The following NRK variants were observed in gnomAD, a reference collection of about 807,000 sequenced individuals.
NRK encodes the protein nik-related protein kinase.
NRK carries 67 observed loss-of-function variants against 125.2 expected under a neutral mutation model. The ratio of observed to expected loss-of-function variants is 0.54; its 90% CI spans 0.44 to 0.66. The LOEUF (loss-of-function observed/expected upper bound fraction) is 0.66, where lower values mean the gene tolerates loss of function less well. NRK is among the 30% of genes least tolerant of loss of function. The pLI is 0.00. For missense variants in NRK, 1,224 were observed against 1,192.9 expected (o/e 1.03, Z -0.38); for synonymous variants, 458 against 429.0 (o/e 1.07, Z -0.84).
At chrX:105,929,240 G>A (rs748856304) in intron 19 of NRK, among the ~76,000 whole-genome samples, 78 of 110,861 alleles carry the variant, frequency 7.0e-4, no homozygotes, top group South Asian at 1.9e-3. Flanking sequence ...TATAATGTCC[G>A]TGTTTTTCTC....
At chrX:105,831,988 C>T (rs1417349761) in intron 2 of NRK, among the ~76,000 whole-genome samples, 1 of 111,069 alleles carries the variant, frequency 9.0e-6, no homozygotes, top group African/African-American at 3.3e-5. Flanking sequence ...GGAGGATATG[C>T]GTAAGTTATA....
intron 2 of NRK, among the ~76,000 whole-genome samples, chrX:105,865,664 A>C (rs2039659046): frequency 8.9e-6 from 1 of 111,734 alleles, no homozygotes; most frequent in African/African-American, 3.2e-5. Flanking sequence ...GAAAGGAATT[A>C]GATTTTGTAT....
chrX:105,843,977 C>CTGTGTGTGTGTGTGTGTGTGTGTGTGTG (rs751188822), intron 2 of NRK, among the ~76,000 whole-genome samples: 5 of 87,377 alleles, frequency 5.7e-5, no homozygotes, highest in African/African-American at 9.0e-5. Context: ...GTCCTGCACT[C>CTGTGTGTGTGTGTGTGTGTGTGTGTGTG]TGTGTGTGTG....
intron 23 of NRK, among the ~76,000 whole-genome samples, chrX:105,940,966 A>G (rs1161924193): frequency 8.9e-6 from 1 of 111,919 alleles, no homozygotes; most frequent in East Asian, 2.8e-4. Flanking sequence ...ACACCACTAA[A>G]GAGGGAAATG....
intron 2 of NRK, among the ~76,000 whole-genome samples, chrX:105,862,027 C>T (rs1331547487): frequency 2.7e-5 from 3 of 112,204 alleles, no homozygotes; most frequent in African/African-American, 9.7e-5. Context: ...TGCGCCACTG[C>T]ACTCCAGCCT....
At chrX:105,835,486 C>T (rs1368019467) in intron 2 of NRK, among the ~76,000 whole-genome samples, 1 of 110,858 alleles carries the variant, frequency 9.0e-6, no homozygotes, top group Non-Finnish European at 1.9e-5. Flanking sequence ...TTTTCTGCTT[C>T]AACCTCAGTC....
At position 105,893,693 on chromosome X, in the gene NRK, A is replaced by C. The variant is rs7890796; in HGVS notation, c.379-139A>C. ...ATTTCGCTAGCCTTTGGAGTCTTCC[A>C]TCAGACAATTGAGGCAGTACTTGCA... On this transcript the variant is annotated intron_variant, in intron 5 of 28. Coordinates refer to ENST00000243300, the MANE Select transcript of NRK (RefSeq NM_198465.4). 307 of 421,785 alleles carry C rather than the reference A, an allele frequency of 7.3e-4. 4 individuals carry two copies. Among genetic ancestry groups the C allele is most frequent in the African/African-American group, 6.9e-3 (278 of 40,088 alleles). The allele number at this position is 421,785 out of a possible 1,213,427, so 34.8% of individuals were successfully genotyped here. A position where few individuals can be genotyped will look rare whatever the true frequency, so the allele number is the denominator to read the frequency against.
intron 2 of NRK, among the ~76,000 whole-genome samples, chrX:105,859,253 A>T (rs1388663735): frequency 8.9e-6 from 1 of 111,787 alleles, no homozygotes; most frequent in Non-Finnish European, 1.9e-5. Context: ...TTTATAACAT[A>T]ACCTGATTAT....
At chrX:105,911,693 T>A (rs1165136305) in intron 13 of NRK, among the ~76,000 whole-genome samples, 2 of 111,419 alleles carry the variant, frequency 1.8e-5, no homozygotes, top group African/African-American at 6.5e-5. Flanking sequence ...AAGTCTAGAA[T>A]GGTGACATTT....
intron 2 of NRK, among the ~76,000 whole-genome samples, chrX:105,853,781 C>T (rs189561321): frequency 8.0e-5 from 9 of 112,176 alleles, no homozygotes; most frequent in Non-Finnish European, 1.3e-4. Context: ...AGCATGTCTT[C>T]GCAAATTAAT....
chrX:105,894,502 A>G (rs2147727001), intron 6 of NRK, among the ~76,000 whole-genome samples: 1 of 112,162 alleles, frequency 8.9e-6, no homozygotes, highest in East Asian at 2.8e-4. Context: ...GGATATTAAC[A>G]GAATTGAACA....
At chrX:105,891,814 T>C (rs2040019048) in intron 5 of NRK, among the ~76,000 whole-genome samples, 1 of 112,334 alleles carries the variant, frequency 8.9e-6, no homozygotes, top group Non-Finnish European at 1.9e-5. Context: ...TAACTCTGTT[T>C]TCTCTCAGAT....
At chrX:105,877,582 G>A (rs2039831388) in intron 2 of NRK, among the ~76,000 whole-genome samples, 1 of 110,505 alleles carries the variant, frequency 9.0e-6, no homozygotes, top group Non-Finnish European at 1.9e-5. Context: ...AGGAGTCAAG[G>A]TACAGGGGGA....
chrX:105,957,032 A>G lies in NRK; in HGVS notation c.*1432A>G, dbSNP rs909000968. 2 of 112,621 alleles carry G rather than the reference A, an allele frequency of 1.8e-5. No individual in the cohort carries two copies. The highest frequency in any genetic ancestry group is 9.5e-5 in the Admixed American group (1 of 10,578). 9.3% of individuals were successfully genotyped at this position (112,621 alleles called of 1,213,427 possible). ...AACCAAAATACAAAAGCAGCTGACT[A>G]TGTGTGATTTCATAATAGCACATTT... On this transcript the variant is annotated 3_prime_UTR_variant, in exon 29 of 29. Transcript: ENST00000243300.
At chrX:105,868,680 G>T (rs7889838) in intron 2 of NRK, among the ~76,000 whole-genome samples, 5,562 of 108,959 alleles carry the variant, frequency 0.051, 387 homozygotes, top group African/African-American at 0.18. Context: ...CATTCTTTGA[G>T]TGGCTATATC....
intron 1 of NRK, among the ~76,000 whole-genome samples, chrX:105,823,650 AATTG>A (rs2039054460): frequency 9.1e-6 from 1 of 110,227 alleles, no homozygotes; most frequent in South Asian, 3.9e-4. Flanking sequence ...CTAGAGTTGT[AATTG>A]ATTGGTAAGC....
chrX:105,828,450 G>A (rs1488516413), intron 1 of NRK, among the ~76,000 whole-genome samples: 1 of 111,154 alleles, frequency 9.0e-6, no homozygotes, highest in Non-Finnish European at 1.9e-5. Flanking sequence ...ATGTTATTGA[G>A]GACTAGAGAA....
At chrX:105,858,338 T>G (rs1002877112) in intron 2 of NRK, among the ~76,000 whole-genome samples, 1 of 109,732 alleles carries the variant, frequency 9.1e-6, no homozygotes, top group East Asian at 2.9e-4. Flanking sequence ...TGATGTAAAT[T>G]GTACCTCAGT....
intron 1 of NRK, among the ~76,000 whole-genome samples, chrX:105,828,166 G>A (rs1393483930): frequency 8.9e-6 from 1 of 111,880 alleles, no homozygotes; most frequent in Non-Finnish European, 1.9e-5. Context: ...GCATGGAGAT[G>A]GGGAACAAAA....
Sources: gnomAD v4.1 joint callset for allele counts (sites outside exome capture counted in the v4.1 genomes callset) on GRCh38, gnomAD v4.1.1 for gene constraint, MANE v1.5 for transcripts, NCBI Gene and HGNC (gene_info 2026-07-23, HGNC 2026-07-21) for gene names.